Variants in RELN observed in about 807,000 individuals in gnomAD.
RELN encodes reelin.
In RELN, 108 loss-of-function variants were observed where a neutral mutation model predicts 427.6. That is an observed-to-expected ratio of 0.25 (90% CI 0.22 to 0.30). The LOEUF (loss-of-function observed/expected upper bound fraction) is 0.30. Ranked by LOEUF, RELN falls within the 10% of genes least tolerant of loss-of-function variation. RELN has a pLI of 1.00. For missense variants in RELN, 3,715 were observed against 4,302.8 expected, an observed-to-expected ratio of 0.86 and a Z score of 3.82; for synonymous variants, 1,524 against 1,513.4, an observed-to-expected ratio of 1.01 and a Z score of -0.16.
chr7:103,716,323 A>G (rs1007879230), intron 8 of RELN, among the ~76,000 whole-genome samples: 1 of 150,766 alleles, frequency 6.6e-6, no homozygotes, highest in East Asian at 2.0e-4. Context: ...TCCCACGTGG[A>G]CTCTCTCCCC....
Position 103,596,591 on chromosome 7 carries a change from T to C in RELN, c.3404A>G (p.Gln1135Arg), listed in dbSNP as rs558936578. The C allele has an allele frequency of 5.0e-6, 8 of 1,614,044 alleles. No individual in the cohort carries two copies. In the South Asian group the frequency reaches 7.7e-5, roughly 16 times the overall value. The change falls in exon 25 of 65, where the codon CAG becomes CGG. Residue 1135 changes from glutamine (Q) to arginine (R), a missense_variant. Around this residue, in one of 4 missense-constraint regions of RELN, gnomAD observed 2,208 missense variants for 2,361.7 expected, o/e 0.93. Transcript: ENST00000428762. Reference protein sequence around the residue: ...SWVDFVQFYIQIGGESASCNK... With the variant: ...SWVDFVQFYIRIGGESASCNK... ...GCATGAAGCACTCTCTCCGCCTATC[T>C]GGATGTAGAACTGGACAAAGTCCAC...
intron 60 of RELN, among the ~76,000 whole-genome samples, chr7:103,488,864 T>C (rs568917051): frequency 7.9e-5 from 12 of 152,206 alleles, no homozygotes; most frequent in Non-Finnish European, 1.6e-4. Flanking sequence ...TCATAGATAA[T>C]AAGCGACTGA....
At chr7:103,521,801 G>T (rs2117091510) in intron 48 of RELN, among the ~76,000 whole-genome samples, 1 of 152,282 alleles carries the variant, frequency 6.6e-6, no homozygotes, top group South Asian at 2.1e-4. Flanking sequence ...ATAGCATAAA[G>T]TTATACTATA....
intron 1 of RELN, among the ~76,000 whole-genome samples, chr7:103,975,249 A>T (rs1270739611): frequency 6.6e-6 from 1 of 152,188 alleles, no homozygotes; most frequent in Non-Finnish European, 1.5e-5. Context: ...TTAGACAGGG[A>T]TCCCAAGTGC....
chr7:103,806,335 T>A lies in RELN; in HGVS notation c.473+27202A>T, dbSNP rs570427542. 2.1e-4 allele frequency among the ~76,000 whole-genome samples: 31 copies of A among 150,882 alleles called. No homozygotes were observed. The South Asian group carries it at 6.1e-3, about 30-fold the overall frequency. On this transcript the variant is annotated intron_variant, in intron 3 of 64. Coordinates refer to ENST00000428762, the MANE Select transcript of RELN (RefSeq NM_005045.4). ...CTCTAAGCACTTTCTTTCTTTTTTC[T>A]TTTTTTTTAGACAGAGTCTCGCTCT...
intron 3 of RELN, among the ~76,000 whole-genome samples, chr7:103,801,577 T>C (rs575688372): frequency 4.4e-4 from 66 of 151,378 alleles, no homozygotes; most frequent in African/African-American, 1.5e-3. Flanking sequence ...CTGGGGCCTG[T>C]TGTGGGGTGG....
intron 3 of RELN, among the ~76,000 whole-genome samples, chr7:103,826,990 G>A (rs955554731): frequency 2.9e-4 from 42 of 146,982 alleles, no homozygotes; most frequent in African/African-American, 1.0e-3. Context: ...AGGTTGTTTT[G>A]CTATAGCTTT....
At chr7:103,724,054 C>G (rs1790141940) in intron 7 of RELN, among the ~76,000 whole-genome samples, 1 of 152,108 alleles carries the variant, frequency 6.6e-6, no homozygotes, top group South Asian at 2.1e-4. Context: ...TCTCATTTTG[C>G]TGGGTTCTGA....
chr7:103,959,684 C>T (rs1177488047), intron 1 of RELN, among the ~76,000 whole-genome samples: 1 of 152,136 alleles, frequency 6.6e-6, no homozygotes, highest in African/African-American at 2.4e-5. Context: ...GATCACGGCT[C>T]ACTGCAGCTT....
At chr7:103,601,238 A>AATTAT (rs3056353) in intron 24 of RELN, among the ~76,000 whole-genome samples, 113,276 of 151,730 alleles carry the variant, frequency 0.75, 42,889 homozygotes, top group African/African-American at 0.87. Flanking sequence ...ATTTCTGAAC[A>AATTAT]ACAGGTGATC....
At chr7:103,797,131 G>T (rs1164395544) in intron 3 of RELN, among the ~76,000 whole-genome samples, 1 of 151,886 alleles carries the variant, frequency 6.6e-6, no homozygotes, top group Non-Finnish European at 1.5e-5. Context: ...TGTCACCCAG[G>T]CTGGAGTGCA....
At chr7:103,835,998 C>G (rs1354368308) in intron 2 of RELN, among the ~76,000 whole-genome samples, 1 of 150,824 alleles carries the variant, frequency 6.6e-6, no homozygotes, top group African/African-American at 2.5e-5. Flanking sequence ...CTCCGTCACC[C>G]AGGCTAGAGC....
chr7:103,560,671 C>T (rs1380371176), intron 36 of RELN, among the ~76,000 whole-genome samples: 1 of 152,180 alleles, frequency 6.6e-6, no homozygotes, highest in Non-Finnish European at 1.5e-5. Context: ...GGAGTTTCCA[C>T]TCTGAAATGT....
chr7:103,738,188 G>C (rs1232407421), intron 6 of RELN, among the ~76,000 whole-genome samples: 1 of 150,898 alleles, frequency 6.6e-6, no homozygotes, highest in Non-Finnish European at 1.5e-5. Flanking sequence ...TGATATTAGA[G>C]CTCTGGATGC....
intron 25 of RELN, among the ~76,000 whole-genome samples, chr7:103,594,941 T>C (rs1584327554): frequency 6.6e-6 from 1 of 152,196 alleles, no homozygotes; most frequent in Admixed American, 6.5e-5. Context: ...CTACATAGCG[T>C]TGGCTTCTGT....
intron 41 of RELN, among the ~76,000 whole-genome samples, chr7:103,546,676 G>A (rs1300725730): frequency 2.0e-5 from 3 of 152,156 alleles, no homozygotes; most frequent in South Asian, 4.1e-4. Flanking sequence ...GCTCATAGAG[G>A]CCAATGTCCA....
At chr7:103,524,114 G>A (rs892751442) in intron 46 of RELN, among the ~76,000 whole-genome samples, 2 of 152,170 alleles carry the variant, frequency 1.3e-5, no homozygotes, top group South Asian at 2.1e-4. Context: ...AAACAAAAAC[G>A]AATCCTAAAA....
At position 103,654,238 on chromosome 7, in the gene RELN, C is replaced by T. The variant is rs778229329; in HGVS notation, c.1442-33G>A. ...AAACAAAAATTTTAAGTTGCTAGTA[C>T]CAACTAGCATCCATAAACATATCAA... On this transcript the variant is annotated intron_variant, in intron 12 of 64. Transcript: ENST00000428762. 9.5e-6 allele frequency: 10 copies of T among 1,051,318 alleles called. No individual in the cohort carries two copies. In the Admixed American group the frequency reaches 1.7e-4, roughly 18 times the overall value. 65.1% of individuals were successfully genotyped at this position (1,051,318 alleles called of 1,614,324 possible).
chr7:103,981,663 T>C (rs547363707), intron 1 of RELN, among the ~76,000 whole-genome samples: 11 of 152,264 alleles, frequency 7.2e-5, no homozygotes, highest in Admixed American at 2.6e-4. Flanking sequence ...CCCGTCATTA[T>C]TTCAGGGCTG....
Sources: allele counts gnomAD v4.1 joint callset (sites outside exome capture counted in the v4.1 genomes callset), GRCh38; gene constraint gnomAD v4.1.1; regional missense constraint gnomAD v4.1.1; transcripts MANE v1.5; gene names NCBI Gene and HGNC (gene_info 2026-07-23, HGNC 2026-07-21).